Variants in BEND3 observed in about 807,000 individuals in gnomAD.
BEND3 encodes BEN domain-containing protein 3.
In BEND3, 13 loss-of-function variants were observed where a neutral mutation model predicts 60.1. The observed-to-expected ratio is 0.22, with a 90% CI of 0.14 to 0.34. BEND3 has a LOEUF of 0.34. Ranked by LOEUF, BEND3 falls within the 10% of genes least tolerant of loss-of-function variation. The pLI is 1.00. For missense variants in BEND3, 896 were observed against 1,138.1 expected, an observed-to-expected ratio of 0.79 and a Z score of 3.06; for synonymous variants, 497 against 491.5, an observed-to-expected ratio of 1.01 and a Z score of -0.15.
rs1554231624 is a variant in BEND3 at position 107,069,849 on chromosome 6, G to A, written c.1342C>T (p.Leu448=). 5 of 1,613,568 alleles carry A rather than the reference G, an allele frequency of 3.1e-6. No homozygotes were observed. In the Admixed American group the frequency reaches 8.3e-5, roughly 27 times the overall value. ...GGKQELDPQR[L]QIIRNYTEIY... ...TCCGTGTAGTTGCGGATGATCTGCA[G>A]CCGCTGCGGGTCCAGCTCCTGCTTT... The change falls in exon 4 of 4, where the codon CTG becomes TTG. Residue 448 remains leucine (L), a synonymous_variant. Coordinates refer to ENST00000369042, the MANE Select transcript of BEND3 (RefSeq NM_001367314.1).
chr6:107,109,735 G>A (rs922300658), intron 1 of BEND3, among the ~76,000 whole-genome samples: 4 of 152,058 alleles, frequency 2.6e-5, no homozygotes, highest in African/African-American at 7.2e-5. Flanking sequence ...TTAGCCAGGC[G>A]TAGTGGCGGA....
intron 1 of BEND3, among the ~76,000 whole-genome samples, chr6:107,107,254 G>A (rs782158065): frequency 8.6e-5 from 13 of 151,996 alleles, no homozygotes; most frequent in East Asian, 1.9e-4. Flanking sequence ...GTTTTTAACC[G>A]AGTTAAAATA....
intron 2 of BEND3, among the ~76,000 whole-genome samples, 161 bp from the exon 3 acceptor site, chr6:107,098,914 C>T (rs1775646570): frequency 6.6e-6 from 1 of 152,184 alleles, no homozygotes; most frequent in African/African-American, 2.4e-5. Context: ...ACGATGCAAT[C>T]TTTATCTCAC....
chr6:107,069,709 CG>C lies in BEND3; in HGVS notation c.1481del (p.Pro494ArgfsTer46). 1.9e-6 allele frequency: 3 copies of C among 1,610,498 alleles called. No individual in the cohort carries two copies. The highest frequency in any genetic ancestry group is 1.7e-6 in the Non-Finnish European group (2 of 1,179,986). On this transcript the variant is annotated frameshift_variant, in exon 4 of 4. Transcript: ENST00000369042. LOFTEE classifies it high-confidence loss of function. ...TGGAGGAGTCGTAGCAGTCATCACG[CG>C]GGGGGTCGCCTTCACTGCCCGCGTC... ...GLDAGSEGDP[P>X]RDDCYDSSSL...
Position 107,070,991 on chromosome 6 carries a change from C to T in BEND3, c.241-41G>A. The T allele has an allele frequency of 6.4e-7, 1 of 1,550,830 alleles. No homozygotes were observed. Among genetic ancestry groups the T allele is most frequent in the Non-Finnish European group, 8.7e-7 (1 of 1,147,768 alleles). The stretch of plus-strand genomic sequence containing the variant: ...CATTTCCCAGAGTGTTAGGTGGGTG[C>T]TGTGGTTTATGACACTAAACAAGGG... On this transcript the variant is annotated intron_variant, in intron 3 of 3. Transcript: ENST00000369042. This position sits in a 1 kb window ranked among gnomAD's most constrained non-coding sequence, Gnocchi z 6.9.
intron 1 of BEND3, among the ~76,000 whole-genome samples, chr6:107,111,039 C>T: frequency 6.6e-6 from 1 of 151,218 alleles, no homozygotes; most frequent in South Asian, 2.1e-4. Flanking sequence ...GTGGCGCATA[C>T]TTGTAGGCCC....
intron 3 of BEND3, among the ~76,000 whole-genome samples, chr6:107,080,832 C>T (rs1459128280): frequency 2.6e-5 from 4 of 151,712 alleles, no homozygotes; most frequent in African/African-American, 9.7e-5. Flanking sequence ...TGCAGTGAGC[C>T]GAGATCATGC....
At chr6:107,080,299 G>A (rs1474388430) in intron 3 of BEND3, among the ~76,000 whole-genome samples, 2 of 123,804 alleles carry the variant, frequency 1.6e-5, no homozygotes, top group African/African-American at 6.2e-5. Context: ...AGGCGGCAAT[G>A]AACCAGGACT....
chr6:107,104,575 C>T (rs1171286363), intron 1 of BEND3, among the ~76,000 whole-genome samples: 4 of 152,010 alleles, frequency 2.6e-5, no homozygotes, highest in Admixed American at 6.6e-5. Context: ...TACTTTAAAT[C>T]ACCTCCAGAT....
In BEND3 at chr6:107,070,335, G is replaced by A. The variant is rs1213543267; in HGVS notation, c.856C>T (p.Arg286Trp). ...GCAAAGCCACAGGCACTGCAGCCCCGGGAGAAGTCCACGTCGCTGAAGAGC... is the reference window on the plus strand; with the variant it reads ...GCAAAGCCACAGGCACTGCAGCCCCAGGAGAAGTCCACGTCGCTGAAGAGC... ...PELFSDVDFSRGCSACGFAAK... is the reference protein window; with the variant it reads ...PELFSDVDFSWGCSACGFAAK... Residue 286 changes from arginine to tryptophan, a missense_variant, in exon 4 of 4, where the codon CGG (arginine) becomes TGG (tryptophan). By Grantham distance (101) the Arg-to-Trp change is moderately radical (BLOSUM62 -3). This residue lies in a region of BEND3 where 846 missense variants were observed against 1,036.7 expected (regional missense o/e 0.82). Coordinates refer to ENST00000369042, the MANE Select transcript of BEND3 (RefSeq NM_001367314.1). The surrounding 1 kb of genome is among the most constrained non-coding windows in gnomAD (Gnocchi z 6.9). 15 of 1,612,824 alleles carry A rather than the reference G, an allele frequency of 9.3e-6. No homozygotes were observed. The highest frequency in any genetic ancestry group is 2.7e-5 in the African/African-American group (2 of 74,932).
rs375250197 is a variant in BEND3, at chr6:107,073,199, A to G, written c.241-2249T>C. Among the ~76,000 whole-genome samples, 543 of 88,806 alleles carry G rather than the reference A, an allele frequency of 6.1e-3. 11 individuals are homozygous for G. Among genetic ancestry groups the G allele is most frequent in the African/African-American group, 0.028 (476 of 17,292 alleles). The allele number at this position is 88,806 out of a possible 152,430, so 58.3% of individuals were successfully genotyped here. Reference sequence around the variant, plus strand: ...TACTTCCTTCAGGGTTTGTATGTGTATGTATATATATATATATATATATAT... The same window carrying G: ...TACTTCCTTCAGGGTTTGTATGTGTGTGTATATATATATATATATATATAT... On this transcript the variant is annotated intron_variant, in intron 3 of 3. Coordinates refer to ENST00000369042, the MANE Select transcript of BEND3 (RefSeq NM_001367314.1).
intron 3 of BEND3, among the ~76,000 whole-genome samples, chr6:107,076,602 C>T (rs1775104959): frequency 6.6e-6 from 1 of 152,118 alleles, no homozygotes; most frequent in Non-Finnish European, 1.5e-5. Context: ...TAGACGTCTT[C>T]ATCGCAACCC....
intron 1 of BEND3, chr6:107,105,934 G>C (rs1775804079): frequency 6.6e-6 from 1 of 152,310 alleles, no homozygotes; most frequent in Non-Finnish European, 1.5e-5. Context: ...CCCAGAACAG[G>C]AATGTGATTG....
At chr6:107,071,118 A>T (rs1441358202) in intron 3 of BEND3, among the ~76,000 whole-genome samples, 168 bp from the exon 4 acceptor site, 3 of 152,122 alleles carry the variant, frequency 2.0e-5, no homozygotes, top group Non-Finnish European at 4.4e-5. Context: ...CACTGATACA[A>T]ACCTGCATCC....
chr6:107,067,827 T>G lies in BEND3; in HGVS notation c.*877A>C, dbSNP rs1196625842. ...AACAAGAAGCCAAAAGCCCCTGCAC[T>G]GTTTTCCAAGGAAACATGTCCACTC... On this transcript the variant is annotated 3_prime_UTR_variant, in exon 4 of 4. Coordinates refer to ENST00000369042, the MANE Select transcript of BEND3 (RefSeq NM_001367314.1). 12 of 152,254 alleles carry G rather than the reference T, an allele frequency of 7.9e-5. No individual in the cohort carries two copies. Among genetic ancestry groups the G allele is most frequent in the African/African-American group, 2.9e-4 (12 of 41,450 alleles). 9.4% of individuals were successfully genotyped at this position (152,254 alleles called of 1,614,324 possible).
intron 3 of BEND3, among the ~76,000 whole-genome samples, chr6:107,077,743 T>C (rs1412624205): frequency 6.6e-6 from 1 of 152,166 alleles, no homozygotes; most frequent in African/African-American, 2.4e-5. Flanking sequence ...TTGGTAGTGC[T>C]AACTTATCTG....
chr6:107,075,135 AG>A (rs1775074500), intron 3 of BEND3, among the ~76,000 whole-genome samples: 2 of 151,738 alleles, frequency 1.3e-5, no homozygotes, highest in African/African-American at 4.8e-5. Context: ...CTTAGGTGGG[AG>A]GATCACTTGA....
chr6:107,077,532 A>G (rs1351206548), intron 3 of BEND3, among the ~76,000 whole-genome samples: 1 of 152,104 alleles, frequency 6.6e-6, no homozygotes, highest in Non-Finnish European at 1.5e-5. Context: ...TGCCAACACT[A>G]TATGGTAAGG....
At chr6:107,075,558 T>A (rs540927773) in intron 3 of BEND3, among the ~76,000 whole-genome samples, 52 of 152,304 alleles carry the variant, frequency 3.4e-4, no homozygotes, top group African/African-American at 1.2e-3. Context: ...AGAGGTCCCA[T>A]GGACTATAAG....
Sources: gnomAD v4.1 joint callset for allele counts (sites outside exome capture counted in the v4.1 genomes callset) on GRCh38, gnomAD v4.1.1 for gene constraint, gnomAD v4.1.1 regional missense constraint, Gnocchi (gnomAD v3.1) non-coding constraint, MANE v1.5 for transcripts, NCBI Gene and HGNC (gene_info 2026-07-23, HGNC 2026-07-21) for gene names.